Variants in ULK4 observed in about 807,000 individuals in gnomAD.
ULK4 encodes inactive serine/threonine-protein kinase ULK4.
Under a neutral mutation model 160.6 loss-of-function variants are expected in ULK4, and 133 were observed. That is an observed-to-expected ratio of 0.83 (90% CI 0.72 to 0.96). The LOEUF (loss-of-function observed/expected upper bound fraction) is 0.96. Among genes scored for constraint, ULK4 ranks in the 40% least tolerant of loss-of-function variants. The pLI, the probability that ULK4 is intolerant of heterozygous loss-of-function variation, is 0.00. For missense variants in ULK4, 1,580 were observed against 1,499.5 expected, an observed-to-expected ratio of 1.05 and a Z score of -0.89; for synonymous variants, 534 against 539.8, an observed-to-expected ratio of 0.99 and a Z score of 0.15.
At chr3:41,456,596 C>A (rs2083559951) in intron 33 of ULK4, among the ~76,000 whole-genome samples, 1 of 152,116 alleles carries the variant, frequency 6.6e-6, no homozygotes, top group South Asian at 2.1e-4. Flanking sequence ...TTTTATAGAA[C>A]TGTCTAATTC....
chr3:41,501,414 C>T (rs1379986855), intron 32 of ULK4, among the ~76,000 whole-genome samples: 2 of 152,118 alleles, frequency 1.3e-5, no homozygotes, highest in Admixed American at 1.3e-4. Context: ...AGGAGAATGG[C>T]GTGAACCCAG....
At position 41,430,202 on chromosome 3, in the gene ULK4, G is replaced by A. The variant is rs983317979; in HGVS notation, c.3492+25295C>T. Among the ~76,000 whole-genome samples, 8 of 152,134 alleles carry A rather than the reference G, an allele frequency of 5.3e-5. 1 individual carries two copies. The highest frequency in any genetic ancestry group is 5.2e-4 in the Admixed American group (8 of 15,282). Reference sequence around the variant, plus strand: ...TAAAAACTACCACTTCCTAACAGTAGAAACTTAACAAACTAGGCAATTTTT... The same window carrying A: ...TAAAAACTACCACTTCCTAACAGTAAAAACTTAACAAACTAGGCAATTTTT... On this transcript the variant is annotated intron_variant, in intron 34 of 36. Coordinates refer to ENST00000301831, the MANE Select transcript of ULK4 (RefSeq NM_017886.4).
chr3:41,275,210 T>G (rs1273104280), intron 35 of ULK4, among the ~76,000 whole-genome samples: 1 of 152,218 alleles, frequency 6.6e-6, no homozygotes, highest in African/African-American at 2.4e-5. Context: ...CATTGCTACT[T>G]GGGCTTTGGG....
chr3:41,546,117 G>A (rs1256225964), intron 32 of ULK4, among the ~76,000 whole-genome samples: 1 of 151,968 alleles, frequency 6.6e-6, no homozygotes, highest in Non-Finnish European at 1.5e-5. Flanking sequence ...TTATTATTAT[G>A]GGTCACATTC....
chr3:41,645,477 T>C (rs1365183351), intron 30 of ULK4, among the ~76,000 whole-genome samples: 1 of 149,854 alleles, frequency 6.7e-6, no homozygotes, highest in Non-Finnish European at 1.5e-5. Flanking sequence ...GAGCAGGTTG[T>C]TCAGTTCCAT....
intron 4 of ULK4, among the ~76,000 whole-genome samples, chr3:41,933,946 G>A (rs1699678904): frequency 6.6e-6 from 1 of 152,052 alleles, no homozygotes; most frequent in Non-Finnish European, 1.5e-5. Flanking sequence ...GCTAAGGCAG[G>A]AGAATCGCTT....
intron 2 of ULK4, among the ~76,000 whole-genome samples, chr3:41,950,271 C>G (rs1229913752): frequency 6.6e-6 from 1 of 151,772 alleles, no homozygotes; most frequent in East Asian, 2.0e-4. Flanking sequence ...GACGGAGTCT[C>G]GCCTTGTTGC....
At chr3:41,872,750 G>A (rs1697144773) in intron 17 of ULK4, among the ~76,000 whole-genome samples, 3 of 151,644 alleles carry the variant, frequency 2.0e-5, no homozygotes, top group Non-Finnish European at 4.4e-5. Flanking sequence ...CCCAGTTTGG[G>A]AGAAGTATAA....
At chr3:41,738,206 G>A (rs912292285) in intron 22 of ULK4, among the ~76,000 whole-genome samples, 6 of 151,976 alleles carry the variant, frequency 3.9e-5, no homozygotes, top group African/African-American at 1.5e-4. Flanking sequence ...GGATCTTGAA[G>A]AATGACAGCA....
chr3:41,282,132 C>T (rs186282309), intron 35 of ULK4, among the ~76,000 whole-genome samples: 7 of 152,276 alleles, frequency 4.6e-5, no homozygotes, highest in African/African-American at 1.7e-4. Flanking sequence ...CTACAAACCA[C>T]TGCTCAATGA....
chr3:41,735,675 C>T (rs1033706368), intron 22 of ULK4, among the ~76,000 whole-genome samples: 18 of 126,272 alleles, frequency 1.4e-4, no homozygotes, highest in Non-Finnish European at 2.5e-4. Flanking sequence ...CTTCACTCCA[C>T]TCTAAGTCCA....
intron 16 of ULK4, among the ~76,000 whole-genome samples, chr3:41,888,467 C>A (rs1028532812): frequency 1.3e-5 from 2 of 152,158 alleles, no homozygotes; most frequent in Non-Finnish European, 2.9e-5. Context: ...GGTAGACAGA[C>A]GTTCCCAAGG....
chr3:41,302,429 C>A (rs2079818047), intron 35 of ULK4, among the ~76,000 whole-genome samples: 1 of 152,168 alleles, frequency 6.6e-6, no homozygotes, highest in South Asian at 2.1e-4. Flanking sequence ...GGGATGCCAG[C>A]AGTCCTGCTT....
intron 35 of ULK4, among the ~76,000 whole-genome samples, chr3:41,393,059 C>G (rs1468505989): frequency 1.3e-5 from 2 of 152,164 alleles, no homozygotes; most frequent in Non-Finnish European, 2.9e-5. Context: ...TATGGGATAA[C>G]TAGATGTCTT....
intron 35 of ULK4, among the ~76,000 whole-genome samples, chr3:41,301,939 T>G (rs1206450788): frequency 6.6e-6 from 1 of 152,218 alleles, no homozygotes; most frequent in African/African-American, 2.4e-5. Context: ...ATTTTCTACT[T>G]AGTAACAGAG....
At chr3:41,853,604 G>T (rs1367424905) in intron 17 of ULK4, among the ~76,000 whole-genome samples, 1 of 152,118 alleles carries the variant, frequency 6.6e-6, no homozygotes, top group East Asian at 1.9e-4. Flanking sequence ...ATAAGCACTG[G>T]CCTCAAGACA....
chr3:41,612,501 A>C (rs569616672), intron 31 of ULK4, among the ~76,000 whole-genome samples: 1 of 152,370 alleles, frequency 6.6e-6, no homozygotes, highest in African/African-American at 2.4e-5. Flanking sequence ...CCTACCCATT[A>C]GTCCTCCAGA....
intron 34 of ULK4, among the ~76,000 whole-genome samples, chr3:41,430,251 T>C (rs1452530490): frequency 6.6e-6 from 1 of 152,218 alleles, no homozygotes; most frequent in Non-Finnish European, 1.5e-5. Flanking sequence ...GAAAATTGTC[T>C]ACATAAAATA....
chr3:41,551,113 AAC>A (rs2087046826), intron 32 of ULK4, among the ~76,000 whole-genome samples: 1 of 151,976 alleles, frequency 6.6e-6, no homozygotes, highest in Non-Finnish European at 1.5e-5. Flanking sequence ...AACACACCAA[AAC>A]ATATGGGATA....
Sources: gnomAD v4.1 joint callset for allele counts (sites outside exome capture counted in the v4.1 genomes callset) on GRCh38, gnomAD v4.1.1 for gene constraint, MANE v1.5 for transcripts, NCBI Gene and HGNC (gene_info 2026-07-23, HGNC 2026-07-21) for gene names.